The following CACNA2D3 variants were observed in gnomAD, a reference collection of about 807,000 sequenced individuals.
CACNA2D3 encodes voltage-dependent calcium channel subunit alpha-2/delta-3.
In CACNA2D3, 60 loss-of-function variants were observed where a neutral mutation model predicts 160.6. That is an observed-to-expected ratio of 0.37 (90% CI 0.30 to 0.46). CACNA2D3 has a LOEUF of 0.46. Ranked by LOEUF, CACNA2D3 falls within the 20% of genes least tolerant of loss-of-function variation. The pLI, the probability that CACNA2D3 is intolerant of heterozygous loss-of-function variation, is 1.00. For synonymous variants in CACNA2D3, 558 were observed against 492.9 expected (o/e 1.13, Z -1.75); for missense variants, 1,205 against 1,365.0 (o/e 0.88, Z 1.85).
chr3:54,273,220 C>T (rs1005443470), intron 2 of CACNA2D3: 2 of 152,268 alleles, frequency 1.3e-5, no homozygotes, highest in Non-Finnish European at 2.9e-5. Flanking sequence ...GTTCTTTCCT[C>T]TCTTCCAGCT....
chr3:54,650,199 GTT>G (rs1468760786), intron 11 of CACNA2D3, among the ~76,000 whole-genome samples: 28 of 40,510 alleles, frequency 6.9e-4, no homozygotes, highest in Non-Finnish European at 2.4e-3. Flanking sequence ...TTTGTTTTTT[GTT>G]TTTGTTTGTT....
intron 13 of CACNA2D3, among the ~76,000 whole-genome samples, chr3:54,803,403 C>T (rs183430519): frequency 0.014 from 2,160 of 152,030 alleles, 48 homozygotes; most frequent in African/African-American, 0.048. Context: ...TCAAGAACTA[C>T]GTGAAGAATG....
rs575844709 is a variant in CACNA2D3 at position 54,774,784 on chromosome 3, G to A, written c.1380+10433G>A. ...TGAGTAGCTGGGATTACAGGCGCCC[G>A]CCACCACACCTGGCTAACTTTTTGT... On this transcript the variant is annotated intron_variant, in intron 13 of 37. Transcript: ENST00000474759. Among the ~76,000 whole-genome samples the A allele has an allele frequency of 2.2e-3, 329 of 151,776 alleles. 3 individuals carry two copies. The highest frequency in any genetic ancestry group is 7.6e-3 in the African/African-American group (313 of 41,390).
At chr3:54,295,009 CACT>C (rs1279942509) in intron 2 of CACNA2D3, among the ~76,000 whole-genome samples, 2 of 151,988 alleles carry the variant, frequency 1.3e-5, no homozygotes, top group African/African-American at 4.8e-5. Flanking sequence ...TCCACCTATT[CACT>C]CAGCAAGTCT....
chr3:54,723,553 G>T (rs868670019), intron 11 of CACNA2D3, among the ~76,000 whole-genome samples: 2 of 152,228 alleles, frequency 1.3e-5, no homozygotes, highest in African/African-American at 4.8e-5. Context: ...TGGTTTGTGG[G>T]TTGTGAAAAT....
At chr3:54,678,470 C>A (rs1029813996) in intron 11 of CACNA2D3, among the ~76,000 whole-genome samples, 5 of 151,952 alleles carry the variant, frequency 3.3e-5, no homozygotes, top group Non-Finnish European at 7.4e-5. Context: ...CGCCTGTAAT[C>A]CCAGCATTTT....
chr3:54,145,707 A>G (rs1268592463), intron 2 of CACNA2D3, among the ~76,000 whole-genome samples: 1 of 152,208 alleles, frequency 6.6e-6, no homozygotes, highest in African/African-American at 2.4e-5. Flanking sequence ...CAGAGACTGC[A>G]TGAAGTCGAC....
chr3:54,133,894 T>G (rs1699766042), intron 2 of CACNA2D3, among the ~76,000 whole-genome samples: 1 of 152,148 alleles, frequency 6.6e-6, no homozygotes, highest in Non-Finnish European at 1.5e-5. Flanking sequence ...CTGGCTGGAT[T>G]CTTAGCGTTC....
At chr3:54,433,041 G>A (rs1370669493) in intron 4 of CACNA2D3, among the ~76,000 whole-genome samples, 2 of 152,138 alleles carry the variant, frequency 1.3e-5, no homozygotes, top group East Asian at 3.8e-4. Context: ...AGAATATTAT[G>A]GAGATGATGT....
chr3:54,701,821 C>G (rs1700772185), intron 11 of CACNA2D3, among the ~76,000 whole-genome samples: 1 of 152,118 alleles, frequency 6.6e-6, no homozygotes, highest in South Asian at 2.1e-4. Context: ...AAGCCCGAGA[C>G]ATCACACTAC....
intron 5 of CACNA2D3, among the ~76,000 whole-genome samples, chr3:54,549,432 C>T (rs1021530839): frequency 6.6e-6 from 1 of 152,164 alleles, no homozygotes; most frequent in Non-Finnish European, 1.5e-5. Context: ...GGCGAAAGAG[C>T]GAGACTCCGT....
At chr3:54,631,568 T>C (rs1350983162) in intron 10 of CACNA2D3, among the ~76,000 whole-genome samples, 2 of 152,194 alleles carry the variant, frequency 1.3e-5, no homozygotes, top group African/African-American at 2.4e-5. Flanking sequence ...GTGCTTAAAA[T>C]TGTGATCGTG....
intron 2 of CACNA2D3, among the ~76,000 whole-genome samples, chr3:54,182,401 G>A (rs1426516138): frequency 6.6e-6 from 1 of 152,138 alleles, no homozygotes; most frequent in Non-Finnish European, 1.5e-5. Flanking sequence ...ATGGCTTTCT[G>A]TAATGTGATA....
At chr3:54,809,311 C>CTTTTTTTTTTTTTTTTTTTTTTTTTTT (rs1217898723) in intron 13 of CACNA2D3, among the ~76,000 whole-genome samples, 26 of 80,726 alleles carry the variant, frequency 3.2e-4, no homozygotes, top group Non-Finnish European at 4.7e-4. Context: ...TTCCTTCTTT[C>CTTTTTTTTTTTTTTTTTTTTTTTTTTT]TTTTTTTTTT....
chr3:54,901,402 GCC>G (rs1700328794), intron 27 of CACNA2D3: 1 of 152,190 alleles, frequency 6.6e-6, no homozygotes, highest in Non-Finnish European at 1.5e-5. Flanking sequence ...GTTTCCAAAT[GCC>G]TTACATTTCA....
intron 5 of CACNA2D3, among the ~76,000 whole-genome samples, chr3:54,529,012 C>T (rs1701766645): frequency 6.6e-6 from 1 of 152,160 alleles, no homozygotes; most frequent in East Asian, 1.9e-4. Context: ...ACACCTTTAA[C>T]CCCCTACTGA....
intron 26 of CACNA2D3, 53 bp downstream of exon 26, chr3:54,896,923 G>C (rs1452094656): frequency 1.2e-6 from 2 of 1,611,670 alleles, no homozygotes; most frequent in African/African-American, 1.3e-5. Context: ...GTGGGTCTGG[G>C]CATTGTGTGC....
intron 2 of CACNA2D3, among the ~76,000 whole-genome samples, chr3:54,236,778 C>A (rs988543245): frequency 1.3e-5 from 2 of 152,150 alleles, no homozygotes; most frequent in African/African-American, 4.8e-5. Flanking sequence ...TGGGTTCATT[C>A]CAGCCCTGCG....
intron 4 of CACNA2D3, among the ~76,000 whole-genome samples, chr3:54,472,621 G>A (rs1700754032): frequency 6.6e-6 from 1 of 152,164 alleles, no homozygotes; most frequent in African/African-American, 2.4e-5. Flanking sequence ...TGACATGATT[G>A]TATATTTAGA....
Sources: gnomAD v4.1 joint callset for allele counts (sites outside exome capture counted in the v4.1 genomes callset) on GRCh38, gnomAD v4.1.1 for gene constraint, MANE v1.5 for transcripts, NCBI Gene and HGNC (gene_info 2026-07-23, HGNC 2026-07-21) for gene names.